Variants in RUBCN observed in about 807,000 individuals in gnomAD.
The protein encoded by RUBCN is rubicon autophagy regulator.
Under a neutral mutation model 113.2 loss-of-function variants are expected in RUBCN, and 74 were observed. The ratio of observed to expected loss-of-function variants is 0.65; its 90% CI spans 0.54 to 0.79. RUBCN has a LOEUF of 0.79. Among genes scored for constraint, RUBCN ranks in the 30% least tolerant of loss-of-function variants. The pLI is 0.00. For missense variants in RUBCN, 1,109 were observed against 1,251.7 expected (o/e 0.89, Z 1.72); for synonymous variants, 480 against 490.0 (o/e 0.98, Z 0.27).
rs1276927389 is a variant in RUBCN, at chr3:197,694,367, C to T, written c.1684+8G>A. ...GTGGGAACAGAAGCATCCACAGGCT[C>T]CACTGACTTCCGTGCTCAGCCTCCT... On this transcript the variant is annotated splice_region_variant and intron_variant, in intron 10 of 19. Coordinates refer to ENST00000296343, the MANE Select transcript of RUBCN (RefSeq NM_014687.4). The T allele has an allele frequency of 6.2e-7, 1 of 1,613,690 alleles. No homozygotes were observed. Among genetic ancestry groups the T allele is most frequent in the Non-Finnish European group, 8.5e-7 (1 of 1,179,690 alleles).
intron 2 of RUBCN, among the ~76,000 whole-genome samples, chr3:197,715,227 T>C (rs1029552787): frequency 3.4e-5 from 5 of 146,414 alleles, no homozygotes; most frequent in African/African-American, 1.0e-4. Flanking sequence ...AGGCAGAGGC[T>C]GTGGTGAGCC....
At chr3:197,743,316 G>A (rs1728603775) in intron 1 of RUBCN, among the ~76,000 whole-genome samples, 1 of 150,738 alleles carries the variant, frequency 6.6e-6, no homozygotes, top group Non-Finnish European at 1.5e-5. Flanking sequence ...CCAGCCTCTA[G>A]CACAGTGTCT....
intron 1 of RUBCN, among the ~76,000 whole-genome samples, chr3:197,732,009 C>G (rs1727561762): frequency 6.6e-6 from 1 of 152,262 alleles, no homozygotes; most frequent in African/African-American, 2.4e-5. Context: ...TGTCAAATGT[C>G]ACTCTGACGC....
At chr3:197,699,475 A>G (rs1723395537) in intron 7 of RUBCN, among the ~76,000 whole-genome samples, 1 of 152,140 alleles carries the variant, frequency 6.6e-6, no homozygotes, top group African/African-American at 2.4e-5. Context: ...TGGAATCCAT[A>G]TGGATTCAAG....
At chr3:197,736,150 C>T (rs1423697768) in intron 1 of RUBCN, among the ~76,000 whole-genome samples, 2 of 152,134 alleles carry the variant, frequency 1.3e-5, no homozygotes, top group Non-Finnish European at 2.9e-5. Context: ...TCTCCCCAGG[C>T]TCTCCTCGCC....
chr3:197,700,494 T>C, intron 7 of RUBCN, 119 bp downstream of exon 7: 1 of 911,622 alleles, frequency 1.1e-6, no homozygotes, highest in Non-Finnish European at 1.8e-6. Flanking sequence ...CAAAATAAGA[T>C]GTTGTATCAC....
At chr3:197,726,222 GTATTT>G (rs1000971388) in intron 1 of RUBCN, among the ~76,000 whole-genome samples, 34 of 152,142 alleles carry the variant, frequency 2.2e-4, no homozygotes, top group African/African-American at 5.1e-4. Flanking sequence ...TATTTCTTTT[GTATTT>G]TATTTTATTT....
At chr3:197,736,552 C>T (rs1728150934) in intron 1 of RUBCN, 103 bp downstream of exon 1, 1 of 1,076,412 alleles carries the variant, frequency 9.3e-7, no homozygotes, top group Non-Finnish European at 1.3e-6. Context: ...GTCCTCAAGA[C>T]TCGTCGCGCC....
intron 18 of RUBCN, 69 bp downstream of exon 18, chr3:197,676,816 A>T: frequency 6.2e-7 from 1 of 1,611,106 alleles, no homozygotes; most frequent in Non-Finnish European, 8.5e-7. Flanking sequence ...CAAGAACCCC[A>T]GGTCCACCCC....
At chr3:197,729,145 C>CCAAA (rs1281871272) in intron 1 of RUBCN, among the ~76,000 whole-genome samples, 1 of 75,430 alleles carries the variant, frequency 1.3e-5, no homozygotes, top group Non-Finnish European at 2.8e-5. Context: ...GACTCCGTCT[C>CCAAA]AAAAAAAAAA....
chr3:197,700,517 ATC>A (rs1723523057), intron 7 of RUBCN, 94 bp downstream of exon 7: 1 of 1,188,568 alleles, frequency 8.4e-7, no homozygotes, highest in Non-Finnish European at 1.3e-6. Flanking sequence ...GAAACAGAAC[ATC>A]TCTTTCTGCC....
chr3:197,702,649 C>T (rs920873281), intron 5 of RUBCN, among the ~76,000 whole-genome samples: 1 of 152,042 alleles, frequency 6.6e-6, no homozygotes, highest in Non-Finnish European at 1.5e-5. Flanking sequence ...GCCTGGACAA[C>T]AAAGTAAAGA....
rs1241829659 is a variant in RUBCN at position 197,671,410 on chromosome 3, G to A, written c.*3608C>T. ...CACCTGAATTTGTGTGCTAGTGGCAGAAAAGTAATGAGAGATTTATTTTAG... is the reference window on the plus strand; with the variant it reads ...CACCTGAATTTGTGTGCTAGTGGCAAAAAAGTAATGAGAGATTTATTTTAG... On this transcript the variant is annotated 3_prime_UTR_variant, in exon 20 of 20. Transcript: ENST00000296343. 1 of 152,220 alleles carries A rather than the reference G, an allele frequency of 6.6e-6. No homozygotes were observed. The highest frequency in any genetic ancestry group is 1.5e-5 in the Non-Finnish European group (1 of 68,034). 9.4% of individuals were successfully genotyped at this position (152,220 alleles called of 1,614,324 possible).
chr3:197,730,885 C>CTTTTTTT lies in RUBCN; in HGVS notation c.65+5763_65+5769dup, dbSNP rs71166707. Among the ~76,000 whole-genome samples the CTTTTTTT allele has an allele frequency of 1.4e-3, 72 of 50,000 alleles. 2 individuals carry two copies. The highest frequency in any genetic ancestry group is 4.6e-3 in the African/African-American group (58 of 12,544). The allele number at this position is 50,000 out of a possible 152,430, so 32.8% of individuals were successfully genotyped here. On this transcript the variant is annotated intron_variant, in intron 1 of 19. Coordinates refer to ENST00000296343, the MANE Select transcript of RUBCN (RefSeq NM_014687.4). ...TTTTTTTTTCATATTTTAAAAGCAT[C>CTTTTTTT]TTTTTTTTTTTTTTTTTTTTTTTTT... is the stretch of plus-strand genomic sequence containing the variant.
intron 17 of RUBCN, 22 bp downstream of exon 17, chr3:197,677,458 C>A (rs1338367554): frequency 6.8e-6 from 11 of 1,608,020 alleles, no homozygotes; most frequent in African/African-American, 4.0e-5. Flanking sequence ...GGCCAGAGGG[C>A]TCTAGCTCCA....
At position 197,694,553 on chromosome 3, in the gene RUBCN, T is replaced by G; in HGVS notation, c.1506A>C (p.Leu502Phe). Residue 502 changes from leucine (L) to phenylalanine (F), a missense_variant, in exon 10 of 20, where the codon TTA becomes TTC. Around this residue, in one of 3 missense-constraint regions of RUBCN, gnomAD observed 736 missense variants for 779.6 expected, o/e 0.94. Transcript: ENST00000296343. ...ENAHFSISES[L>F]IAAIELMKCN... ...ACTTCATTAGCTCGATGGCAGCAATTAAGGACTCTGAGATGCTGAAGTGGG... is the reference window on the plus strand; with the variant it reads ...ACTTCATTAGCTCGATGGCAGCAATGAAGGACTCTGAGATGCTGAAGTGGG... The G allele has an allele frequency of 6.2e-7, 1 of 1,614,184 alleles. No individual in the cohort carries two copies. Among genetic ancestry groups the G allele is most frequent in the Non-Finnish European group, 8.5e-7 (1 of 1,180,034 alleles).
At chr3:197,740,908 A>T (rs1728501445), upstream of RUBCN, among the ~76,000 whole-genome samples, 1 of 152,208 alleles carries the variant, frequency 6.6e-6, no homozygotes, top group Non-Finnish European at 1.5e-5. Flanking sequence ...CGTGTGAGCC[A>T]CTGCACACAG....
rs181828812 is a variant in RUBCN at position 197,676,267 on chromosome 3, C to T, written c.2646+618G>A. 1.8e-5 allele frequency: 18 copies of T among 991,058 alleles called. No individual in the cohort carries two copies. In the African/African-American group the frequency reaches 2.1e-4, roughly 12 times the overall value. The allele number at this position is 991,058 out of a possible 1,614,324, so 61.4% of individuals were successfully genotyped here. A position where few individuals can be genotyped will look rare whatever the true frequency, so the allele number is the denominator to read the frequency against. ...CATAATGACTGAGAACAACAAATGA[C>T]GGCCGAGGGTAGACTCCCTCTCGAT... On this transcript the variant is annotated intron_variant, in intron 18 of 19. Coordinates refer to ENST00000296343, the MANE Select transcript of RUBCN (RefSeq NM_014687.4).
chr3:197,749,362 A>G, exon 1 of RUBCN: 1 of 1,168,434 alleles, frequency 8.6e-7, no homozygotes, highest in South Asian at 1.6e-5. Flanking sequence ...GACACGGGAA[A>G]CGTTAGCATT....
Sources: gnomAD v4.1 joint callset for allele counts (sites outside exome capture counted in the v4.1 genomes callset) on GRCh38, gnomAD v4.1.1 for gene constraint, gnomAD v4.1.1 regional missense constraint, MANE v1.5 for transcripts, NCBI Gene and HGNC (gene_info 2026-07-23, HGNC 2026-07-21) for gene names.